The following CACNA2D3 variants were observed in gnomAD, a reference collection of about 807,000 sequenced individuals.
The protein encoded by CACNA2D3 is voltage-dependent calcium channel subunit alpha-2/delta-3.
CACNA2D3 carries 60 observed loss-of-function variants against 160.6 expected under a neutral mutation model. The observed-to-expected ratio is 0.37, with a 90% confidence interval of 0.30 to 0.46. CACNA2D3 has a LOEUF of 0.46. CACNA2D3 is among the 20% of genes least tolerant of loss of function. CACNA2D3 has a pLI of 1.00. For synonymous variants in CACNA2D3, 558 were observed against 492.9 expected (o/e 1.13, Z -1.75); for missense variants, 1,205 against 1,365.0 (o/e 0.88, Z 1.85).
At chr3:54,374,253 C>T (rs1361053319) in intron 3 of CACNA2D3, among the ~76,000 whole-genome samples, 1 of 152,198 alleles carries the variant, frequency 6.6e-6, no homozygotes, top group African/African-American at 2.4e-5. Context: ...GTGGGTAATT[C>T]GTGGGAGTGT....
At chr3:54,239,519 A>G (rs980475483) in intron 2 of CACNA2D3, among the ~76,000 whole-genome samples, 1 of 152,214 alleles carries the variant, frequency 6.6e-6, no homozygotes, top group Non-Finnish European at 1.5e-5. Flanking sequence ...CTCTGTTAAT[A>G]TCTGTTGTGA....
chr3:54,638,355 A>G (rs1361623521), intron 10 of CACNA2D3: 1 of 151,982 alleles, frequency 6.6e-6, no homozygotes, highest in African/African-American at 2.4e-5. Context: ...AACCTTGACT[A>G]TGCGTTTAGC....
chr3:54,879,280 C>T (rs562644885), intron 19 of CACNA2D3, 70 bp from the exon 20 acceptor site: 2 of 1,182,846 alleles, frequency 1.7e-6, no homozygotes, highest in East Asian at 2.4e-5. Flanking sequence ...TTATTTATTT[C>T]TGAAGACGTC....
chr3:54,969,836 G>T lies in CACNA2D3; in HGVS notation c.2548G>T (p.Asp850Tyr). The change falls in exon 29 of 38, where the codon GAT becomes TAT. Residue 850 changes from aspartate (D) to tyrosine (Y), a missense_variant. This residue lies in a region of CACNA2D3 where 911 missense variants were observed against 1,002.2 expected (regional missense o/e 0.91). Transcript: ENST00000474759. ...GGATGGCAAATGCTCCATCAGCTGTGATGATGAGGTAAGACGGCCTCCTGG... is the reference window on the plus strand; with the variant it reads ...GGATGGCAAATGCTCCATCAGCTGTTATGATGAGGTAAGACGGCCTCCTGG... ...SLDGKCSISC[D>Y]DETVNCYLID... 6.2e-6 allele frequency: 10 copies of T among 1,613,426 alleles called. No individual in the cohort carries two copies. The highest frequency in any genetic ancestry group is 8.5e-6 in the Non-Finnish European group (10 of 1,179,610).
intron 5 of CACNA2D3, among the ~76,000 whole-genome samples, chr3:54,541,899 TTAAG>T (rs1253033092): frequency 2.6e-5 from 4 of 151,650 alleles, no homozygotes; most frequent in African/African-American, 7.3e-5. Context: ...TTGGCTGTGG[TTAAG>T]TAAGAGGTTA....
intron 35 of CACNA2D3, among the ~76,000 whole-genome samples, chr3:55,041,154 A>T (rs1703951512): frequency 6.6e-6 from 1 of 152,114 alleles, no homozygotes; most frequent in Admixed American, 6.6e-5. Flanking sequence ...TTGTATAGAG[A>T]TACAATTGCT....
At chr3:54,550,111 G>C (rs1001554018) in intron 5 of CACNA2D3, among the ~76,000 whole-genome samples, 2 of 152,108 alleles carry the variant, frequency 1.3e-5, no homozygotes. Flanking sequence ...ATAGGACAAG[G>C]CTTCAAATCC....
chr3:54,586,369 A>G (rs909520197), intron 9 of CACNA2D3, among the ~76,000 whole-genome samples: 2 of 137,812 alleles, frequency 1.5e-5, no homozygotes, highest in African/African-American at 5.0e-5. Flanking sequence ...TTAAAGTAAG[A>G]GTGATTCTAT....
At chr3:54,986,002 A>G (rs2107105240) in intron 30 of CACNA2D3, among the ~76,000 whole-genome samples, 1 of 152,286 alleles carries the variant, frequency 6.6e-6, no homozygotes, top group South Asian at 2.1e-4. Flanking sequence ...GACAGCAGGA[A>G]AGTCCTTTGG....
chr3:55,070,195 G>A (rs1704770047), intron 35 of CACNA2D3, among the ~76,000 whole-genome samples: 1 of 152,172 alleles, frequency 6.6e-6, no homozygotes, highest in Admixed American at 6.5e-5. Context: ...AACAAGCAAG[G>A]AAGAAGAGGC....
At chr3:54,400,519 G>GAA (rs1699437685) in intron 4 of CACNA2D3, among the ~76,000 whole-genome samples, 1 of 152,162 alleles carries the variant, frequency 6.6e-6, no homozygotes, top group African/African-American at 2.4e-5. Context: ...TGGAAAGAAA[G>GAA]AAGAGGAGGA....
chr3:54,607,471 CT>C (rs1698656406), intron 9 of CACNA2D3, among the ~76,000 whole-genome samples: 1 of 152,076 alleles, frequency 6.6e-6, no homozygotes, highest in African/African-American at 2.4e-5. Context: ...TTGCCATCCC[CT>C]CATATATCCC....
chr3:54,909,512 C>T lies in CACNA2D3; in HGVS notation c.2449+9644C>T, dbSNP rs559710607. On this transcript the variant is annotated intron_variant, in intron 27 of 37. Transcript: ENST00000474759. ...TTTCCCTCCCTTGGGAAAAAAGGGA[C>T]GGGCATGAGCAGAATCTGCAGCAGA... Among the ~76,000 whole-genome samples, 30 of 152,182 alleles carry T rather than the reference C, an allele frequency of 2.0e-4. No individual in the cohort carries two copies. In the East Asian group the frequency reaches 2.3e-3, roughly 12 times the overall value.
chr3:54,348,978 T>G (rs534652804), intron 3 of CACNA2D3, among the ~76,000 whole-genome samples: 6 of 152,196 alleles, frequency 3.9e-5, no homozygotes, highest in Non-Finnish European at 7.3e-5. Context: ...TCCTCCTGCC[T>G]CAGCCTCCCA....
intron 4 of CACNA2D3, among the ~76,000 whole-genome samples, chr3:54,443,840 G>A (rs116273822): frequency 9.9e-5 from 15 of 152,280 alleles, no homozygotes; most frequent in South Asian, 2.1e-4. Flanking sequence ...CAAAGTGACC[G>A]CAAAGTCATC....
chr3:54,419,611 T>C (rs1251448611), intron 4 of CACNA2D3, among the ~76,000 whole-genome samples: 1 of 152,192 alleles, frequency 6.6e-6, no homozygotes, highest in East Asian at 1.9e-4. Context: ...GTGCCAACTT[T>C]TTCTGGGACC....
At chr3:54,668,674 G>A (rs548027205) in intron 11 of CACNA2D3, among the ~76,000 whole-genome samples, 4 of 152,316 alleles carry the variant, frequency 2.6e-5, no homozygotes, top group East Asian at 3.9e-4. Context: ...AGGGATTGCC[G>A]TAGTGGTAGA....
At chr3:55,063,204 T>G (rs1018501794) in intron 35 of CACNA2D3, among the ~76,000 whole-genome samples, 1 of 152,124 alleles carries the variant, frequency 6.6e-6, no homozygotes, top group African/African-American at 2.4e-5. Flanking sequence ...ACCAGCAGCA[T>G]CAGTATTGCC....
chr3:54,736,061 GTA>G (rs1368581616), intron 11 of CACNA2D3, among the ~76,000 whole-genome samples: 659 of 24,450 alleles, frequency 0.027, 63 homozygotes, highest in Non-Finnish European at 0.037. Context: ...ACATATGTAT[GTA>G]TATATATATA....
Sources: gnomAD v4.1 joint callset for allele counts (sites outside exome capture counted in the v4.1 genomes callset) on GRCh38, gnomAD v4.1.1 for gene constraint, gnomAD v4.1.1 regional missense constraint, MANE v1.5 for transcripts, NCBI Gene and HGNC (gene_info 2026-07-23, HGNC 2026-07-21) for gene names.